SLC30A7: variants seen among roughly 807,000 people sequenced by gnomAD.
SLC30A7 encodes zinc transporter 7.
SLC30A7 carries 35 observed loss-of-function variants against 46.0 expected under a neutral mutation model. The observed-to-expected ratio is 0.76, with a 90% CI of 0.58 to 1.01. The LOEUF (loss-of-function observed/expected upper bound fraction) is 1.01. Ranked by LOEUF, SLC30A7 falls within the 50% of genes least tolerant of loss-of-function variation. SLC30A7 has a pLI of 0.00. For missense variants in SLC30A7, 464 were observed against 451.1 expected (o/e 1.03, Z -0.26); for synonymous variants, 147 against 157.8 (o/e 0.93, Z 0.51).
Position 100,960,951 on chromosome 1 carries a change from T to G in SLC30A7, c.843-877T>G, listed in dbSNP as rs956396721. Among the ~76,000 whole-genome samples the G allele has an allele frequency of 5.3e-3, 762 of 143,950 alleles. 7 individuals are homozygous for G. The highest frequency in any genetic ancestry group is 0.017 in the African/African-American group (658 of 38,800). 94.4% of individuals were successfully genotyped at this position (143,950 alleles called of 152,430 possible). On this transcript the variant is annotated intron_variant, in intron 8 of 10. Coordinates refer to ENST00000357650, the MANE Select transcript of SLC30A7 (RefSeq NM_133496.5). ...CTACTATTAATTGTTTTGTGTGTTT[T>G]TTTTTTTTTTTTTTTTTTTTAGACG...
chr1:100,905,792 A>C (rs1267761791), intron 2 of SLC30A7, among the ~76,000 whole-genome samples: 3 of 151,850 alleles, frequency 2.0e-5, no homozygotes, highest in African/African-American at 4.8e-5. Flanking sequence ...TTGTTAATGA[A>C]TTTTCTCTGA....
chr1:100,934,312 A>G (rs920692509), intron 8 of SLC30A7, among the ~76,000 whole-genome samples: 3 of 152,208 alleles, frequency 2.0e-5, no homozygotes, highest in African/African-American at 7.2e-5. Context: ...AATTCTCAGA[A>G]TATGGCCTAC....
At chr1:100,935,687 T>TA (rs1455327479) in intron 8 of SLC30A7, among the ~76,000 whole-genome samples, 1 of 152,048 alleles carries the variant, frequency 6.6e-6, no homozygotes, top group South Asian at 2.1e-4. Flanking sequence ...AGCTTTCCTC[T>TA]AAAAAAAATT....
rs1182712181 is a variant in SLC30A7, at chr1:100,964,179, GTTA to G, written c.934-1584_934-1582del. On this transcript the variant is annotated intron_variant, in intron 9 of 10. Coordinates refer to ENST00000357650, the MANE Select transcript of SLC30A7 (RefSeq NM_133496.5). Reference sequence around the variant, plus strand: ...ACATATTGCCCATTCAAGATTTGTGGTTATTATTTTAAGGTAGCATCAATCAGC... The same window carrying G: ...ACATATTGCCCATTCAAGATTTGTGGTTATTTTAAGGTAGCATCAATCAGC... 8.6e-5 allele frequency among the ~76,000 whole-genome samples: 11 copies of G among 128,436 alleles called. No individual in the cohort carries two copies. The East Asian group carries it at 2.2e-3, about 26-fold the overall frequency. 84.3% of individuals were successfully genotyped at this position (128,436 alleles called of 152,430 possible).
At chr1:100,920,256 G>A (rs1652857459) in intron 7 of SLC30A7, among the ~76,000 whole-genome samples, 1 of 151,892 alleles carries the variant, frequency 6.6e-6, no homozygotes, top group Non-Finnish European at 1.5e-5. Context: ...TTAAAAGCAT[G>A]TATCATATAT....
chr1:100,898,103 T>C (rs1392531897), intron 2 of SLC30A7, among the ~76,000 whole-genome samples: 1 of 150,660 alleles, frequency 6.6e-6, no homozygotes, highest in African/African-American at 2.4e-5. Flanking sequence ...GCATATTTTG[T>C]ATCAAGAGTG....
At chr1:100,970,697 AAT>A (rs572779553) in intron 10 of SLC30A7, among the ~76,000 whole-genome samples, 97 of 150,822 alleles carry the variant, frequency 6.4e-4, no homozygotes, top group African/African-American at 2.3e-3. Context: ...AAAAAAAAAA[AAT>A]GGGATACTAG....
intron 8 of SLC30A7, among the ~76,000 whole-genome samples, chr1:100,938,660 G>C (rs1034292887): frequency 6.6e-6 from 1 of 152,202 alleles, no homozygotes; most frequent in Non-Finnish European, 1.5e-5. Flanking sequence ...CTGAGGCTCA[G>C]GACCATCTTG....
chr1:100,993,559 A>AATATAAATATATATATATATATATAT, the SLC30A7 span, among the ~76,000 whole-genome samples: 1 of 56,536 alleles, frequency 1.8e-5, no homozygotes, highest in Admixed American at 2.6e-4. Flanking sequence ...CGAAAATATA[A>AATATAAATATATATATATATATATAT]ATATATATAT....
chr1:100,907,701 T>G (rs1298995303), intron 3 of SLC30A7, among the ~76,000 whole-genome samples: 1 of 151,822 alleles, frequency 6.6e-6, no homozygotes, highest in East Asian at 1.9e-4. Flanking sequence ...CCCTCTGTCC[T>G]TTTCCTCCTC....
intron 10 of SLC30A7, among the ~76,000 whole-genome samples, chr1:100,973,998 A>ACTCT (rs1372630815): frequency 9.2e-5 from 14 of 152,282 alleles, no homozygotes; most frequent in African/African-American, 3.4e-4. Context: ...TAGACAGCAA[A>ACTCT]TATGGATAAC....
At chr1:100,917,301 T>C (rs1435470428) in intron 6 of SLC30A7, among the ~76,000 whole-genome samples, 1 of 152,230 alleles carries the variant, frequency 6.6e-6, no homozygotes, top group East Asian at 1.9e-4. Context: ...TATGGTGTTA[T>C]GCTTTTATAT....
chr1:100,911,625 A>T (rs753749775), intron 4 of SLC30A7, among the ~76,000 whole-genome samples: 1 of 152,146 alleles, frequency 6.6e-6, no homozygotes, highest in Non-Finnish European at 1.5e-5. Context: ...ATCTCGGCTT[A>T]CTGCAACTTG....
chr1:100,990,926 T>C, the SLC30A7 span, among the ~76,000 whole-genome samples: 1 of 152,362 alleles, frequency 6.6e-6, no homozygotes, highest in East Asian at 1.9e-4. Flanking sequence ...CAGCATTCGT[T>C]TTTAAATAAG....
At chr1:100,972,120 C>T (rs1656194252) in intron 10 of SLC30A7, among the ~76,000 whole-genome samples, 3 of 152,268 alleles carry the variant, frequency 2.0e-5, no homozygotes, top group Admixed American at 2.0e-4. Context: ...TGGTCCCATT[C>T]TAGGGGTAGA....
chr1:100,957,001 G>T (rs374277101), intron 8 of SLC30A7, among the ~76,000 whole-genome samples: 1 of 152,194 alleles, frequency 6.6e-6, no homozygotes, highest in African/African-American at 2.4e-5. Context: ...TCTCTGAGAT[G>T]AAATATTCTA....
At chr1:100,906,084 G>C (rs1177165086) in intron 2 of SLC30A7, among the ~76,000 whole-genome samples, 1 of 152,142 alleles carries the variant, frequency 6.6e-6, no homozygotes, top group Non-Finnish European at 1.5e-5. Context: ...GGGTTGAGCT[G>C]GGTTTTGTGT....
At chr1:100,926,384 A>G (rs912389300) in intron 8 of SLC30A7, among the ~76,000 whole-genome samples, 3 of 152,154 alleles carry the variant, frequency 2.0e-5, no homozygotes, top group African/African-American at 7.2e-5. Flanking sequence ...AGGCCTCAGG[A>G]ATCTTACAGT....
chr1:100,965,584 G>T (rs1290105216), intron 9 of SLC30A7, among the ~76,000 whole-genome samples, 185 bp from the exon 10 acceptor site: 2 of 152,162 alleles, frequency 1.3e-5, no homozygotes, highest in African/African-American at 4.8e-5. Context: ...CCAAATACTT[G>T]TCATGGCACC....
Sources: gnomAD v4.1 joint callset for allele counts (sites outside exome capture counted in the v4.1 genomes callset) on GRCh38, gnomAD v4.1.1 for gene constraint, MANE v1.5 for transcripts, NCBI Gene and HGNC (gene_info 2026-07-23, HGNC 2026-07-21) for gene names.